Variants in GPHN observed in about 807,000 individuals in gnomAD.
GPHN encodes the protein gephyrin.
GPHN carries 17 observed loss-of-function variants against 95.5 expected under a neutral mutation model. That is an observed-to-expected ratio of 0.18 (90% CI 0.12 to 0.27). GPHN has a LOEUF of 0.27. GPHN is among the 10% of genes least tolerant of loss of function. The probability of loss-of-function intolerance (pLI) is 1.00; values close to 1 mark genes in which losing one functional copy is unlikely to be tolerated. For missense variants in GPHN, 660 were observed against 978.1 expected (o/e 0.67, Z 4.34); for synonymous variants, 320 against 322.5 (o/e 0.99, Z 0.08).
chr14:67,090,309 A>G (rs985563005), intron 12 of GPHN, among the ~76,000 whole-genome samples: 19 of 152,008 alleles, frequency 1.2e-4, no homozygotes, highest in Non-Finnish European at 1.5e-5. Context: ...AAAATCCAGA[A>G]TTTGAAGTAC....
chr14:67,534,328 CA>C, the GPHN span, among the ~76,000 whole-genome samples: 1 of 152,108 alleles, frequency 6.6e-6, no homozygotes, highest in Admixed American at 6.5e-5. Flanking sequence ...CCTGTAATCC[CA>C]GCACTTTGGG....
At chr14:66,593,197 A>G (rs556024085) in intron 1 of GPHN, among the ~76,000 whole-genome samples, 1 of 152,060 alleles carries the variant, frequency 6.6e-6, no homozygotes, top group Non-Finnish European at 1.5e-5. Flanking sequence ...TACCTAATGT[A>G]GATGACAGGT....
chr14:67,246,686 C>T, the GPHN span, among the ~76,000 whole-genome samples: 68 of 125,386 alleles, frequency 5.4e-4, no homozygotes, highest in Non-Finnish European at 8.4e-4. Flanking sequence ...GAGTCTTGCT[C>T]TCTCGCCAGG....
chr14:67,659,905 C>T, the GPHN span: 1 of 1,613,376 alleles, frequency 6.2e-7, no homozygotes, highest in Non-Finnish European at 8.5e-7. Context: ...AACGTAGCTC[C>T]TCCTCCATCT....
the GPHN span, chr14:67,586,923 T>C: frequency 1.3e-6 from 2 of 1,540,124 alleles, no homozygotes; most frequent in Admixed American, 2.0e-5. Flanking sequence ...AGCACAGTTA[T>C]GATTCCCTTT....
At chr14:67,464,075 A>AGTGT in the GPHN span, among the ~76,000 whole-genome samples, 492 of 150,904 alleles carry the variant, frequency 3.3e-3, 4 homozygotes, top group African/African-American at 0.011. Flanking sequence ...TATGTGTGAG[A>AGTGT]GTGTGTGTGT....
chr14:67,655,157 T>C, the GPHN span, among the ~76,000 whole-genome samples: 2 of 149,458 alleles, frequency 1.3e-5, no homozygotes, highest in African/African-American at 4.9e-5. Context: ...TTTGGCAACA[T>C]AATGAGACCC....
At chr14:66,562,516 T>C (rs2060301421) in intron 1 of GPHN, among the ~76,000 whole-genome samples, 1 of 152,120 alleles carries the variant, frequency 6.6e-6, no homozygotes, top group South Asian at 2.1e-4. Context: ...AACAAATTTA[T>C]TAACATGTGG....
At chr14:67,035,213 A>G (rs2074363849) in intron 10 of GPHN, among the ~76,000 whole-genome samples, 1 of 151,948 alleles carries the variant, frequency 6.6e-6, no homozygotes, top group Non-Finnish European at 1.5e-5. Flanking sequence ...CAAAAACACA[A>G]CACACCAAAA....
At chr14:67,710,033 C>T in the GPHN span, among the ~76,000 whole-genome samples, 1 of 152,184 alleles carries the variant, frequency 6.6e-6, no homozygotes, top group Admixed American at 6.5e-5. Flanking sequence ...CTATTTGTGA[C>T]CTGGAAGCTC....
intron 2 of GPHN, among the ~76,000 whole-genome samples, chr14:66,691,516 T>G (rs2067781343): frequency 6.6e-6 from 1 of 152,160 alleles, no homozygotes; most frequent in African/African-American, 2.4e-5. Flanking sequence ...AAAAAATTTT[T>G]AATGAATATT....
chr14:67,641,638 T>C, the GPHN span, among the ~76,000 whole-genome samples: 1 of 152,274 alleles, frequency 6.6e-6, no homozygotes, highest in East Asian at 1.9e-4. Flanking sequence ...TTTATAAAAG[T>C]TTATAATATG....
chr14:67,585,627 C>T, the GPHN span: 12 of 1,577,324 alleles, frequency 7.6e-6, no homozygotes, highest in Middle Eastern at 1.7e-4. Context: ...ATGAGGATGG[C>T]GTCAGCATCC....
chr14:67,675,814 C>A, the GPHN span, among the ~76,000 whole-genome samples: 2 of 151,484 alleles, frequency 1.3e-5, no homozygotes, highest in African/African-American at 4.9e-5. Context: ...TTCCTGTCTT[C>A]ACGTCGGGCA....
the GPHN span, among the ~76,000 whole-genome samples, chr14:67,336,951 T>A: frequency 6.6e-6 from 1 of 152,132 alleles, no homozygotes; most frequent in Non-Finnish European, 1.5e-5. Flanking sequence ...AAAGGAAAAG[T>A]TAGGGTGTAA....
the GPHN span, chr14:67,733,724 ACTGT>A: frequency 6.6e-7 from 1 of 1,520,108 alleles, no homozygotes; most frequent in Non-Finnish European, 9.1e-7. Context: ...CCTGGAATTT[ACTGT>A]CTTTCTCTGC....
At chr14:67,188,614 G>A in the GPHN span, among the ~76,000 whole-genome samples, 2 of 152,278 alleles carry the variant, frequency 1.3e-5, no homozygotes, top group South Asian at 4.2e-4. Context: ...CCAAAAGATG[G>A]CACTCAACAT....
At chr14:67,098,990 C>T (rs1035943058) in intron 12 of GPHN, among the ~76,000 whole-genome samples, 1 of 151,402 alleles carries the variant, frequency 6.6e-6, no homozygotes, top group Non-Finnish European at 1.5e-5. Flanking sequence ...TAATTTTCTA[C>T]AGTAAGAAAA....
chr14:66,666,402 CAT>C (rs1491214697), intron 1 of GPHN, among the ~76,000 whole-genome samples: 2 of 151,134 alleles, frequency 1.3e-5, no homozygotes, highest in Non-Finnish European at 3.0e-5. Context: ...TAAATAAAAA[CAT>C]TTTTTAATAA....
Sources: allele counts gnomAD v4.1 joint callset (sites outside exome capture counted in the v4.1 genomes callset), GRCh38; gene constraint gnomAD v4.1.1; transcripts MANE v1.5; gene names NCBI Gene and HGNC (gene_info 2026-07-23, HGNC 2026-07-21).